The following ST6GALNAC1 variants were observed in gnomAD, a reference collection of about 807,000 sequenced individuals.
ST6GALNAC1 encodes alpha-N-acetylgalactosaminide alpha-2,6-sialyltransferase 1.
ST6GALNAC1 carries 45 observed loss-of-function variants against 56.8 expected under a neutral mutation model. That is an observed-to-expected ratio of 0.79 (90% CI 0.62 to 1.02). The LOEUF is 1.02. Among genes scored for constraint, ST6GALNAC1 ranks in the 50% least tolerant of loss-of-function variants. ST6GALNAC1 has a pLI of 0.00. For synonymous variants in ST6GALNAC1, 295 were observed against 297.8 expected (o/e 0.99, Z 0.10); for missense variants, 743 against 754.8 (o/e 0.98, Z 0.18).
Position 76,627,820 on chromosome 17 carries a change from G to A in ST6GALNAC1, c.832-237C>T, listed in dbSNP as rs1276291833. On this transcript the variant is annotated intron_variant, in intron 2 of 8. Coordinates refer to ENST00000156626, the MANE Select transcript of ST6GALNAC1 (RefSeq NM_018414.5). This position sits in a 1 kb window ranked among gnomAD's most constrained non-coding sequence, Gnocchi z 4.4. ...CCATCGAGGCAAATGCACCTAGGCC[G>A]GGTGTGGTGGCTCACGCCTGTAATC... Among the ~76,000 whole-genome samples, 9 of 152,286 alleles carry A rather than the reference G, an allele frequency of 5.9e-5. No individual in the cohort carries two copies. The highest frequency in any genetic ancestry group is 2.0e-4 in the Admixed American group (3 of 15,298).
chr17:76,641,143 C>G (rs1364954301), intron 1 of ST6GALNAC1, among the ~76,000 whole-genome samples: 2 of 152,164 alleles, frequency 1.3e-5, no homozygotes, highest in Non-Finnish European at 1.5e-5. Flanking sequence ...TAATGCATGT[C>G]TCAATTGAGT....
At chr17:76,642,025 CTA>C (rs1190536878) in intron 1 of ST6GALNAC1, 2 of 144,264 alleles carry the variant, frequency 1.4e-5, no homozygotes, top group East Asian at 4.0e-4. Context: ...GTGTATATAT[CTA>C]TATCTATATA....
At chr17:76,635,111 C>T (rs1365643075) in intron 1 of ST6GALNAC1, among the ~76,000 whole-genome samples, 10 of 152,112 alleles carry the variant, frequency 6.6e-5, no homozygotes, top group Admixed American at 6.5e-4. Flanking sequence ...GTGTTCTTTT[C>T]TCAAATCAAA....
chr17:76,636,561 C>T (rs905557792), intron 1 of ST6GALNAC1, among the ~76,000 whole-genome samples: 57 of 152,274 alleles, frequency 3.7e-4, no homozygotes, highest in African/African-American at 1.3e-3. Flanking sequence ...GCTGAGATCA[C>T]GCCACTGCAC....
At chr17:76,631,106 C>T (rs1427425173) in intron 1 of ST6GALNAC1, among the ~76,000 whole-genome samples, 8 of 141,220 alleles carry the variant, frequency 5.7e-5, no homozygotes, top group Admixed American at 4.2e-4. Flanking sequence ...TGCACGCGTG[C>T]GCGAGCACTT....
chr17:76,627,654 C>A lies in ST6GALNAC1; in HGVS notation c.832-71G>T. ...CCATCGGCCAGGGGCTGCACCACTG[C>A]AGCAAGGGCTGGGGCTCGCAGTTTG... On this transcript the variant is annotated intron_variant, in intron 2 of 8. Coordinates refer to ENST00000156626, the MANE Select transcript of ST6GALNAC1 (RefSeq NM_018414.5). This position sits in a 1 kb window ranked among gnomAD's most constrained non-coding sequence, Gnocchi z 4.4. 1 of 1,472,158 alleles carries A rather than the reference C, an allele frequency of 6.8e-7. No homozygotes were observed. The highest frequency in any genetic ancestry group is 9.3e-7 in the Non-Finnish European group (1 of 1,073,184). The allele number at this position is 1,472,158 out of a possible 1,614,324, so 91.2% of individuals were successfully genotyped here.
At chr17:76,635,909 C>A (rs934882290) in intron 1 of ST6GALNAC1, among the ~76,000 whole-genome samples, 1 of 152,088 alleles carries the variant, frequency 6.6e-6, no homozygotes, top group Non-Finnish European at 1.5e-5. Context: ...CATACGTGTG[C>A]GAGGCAGTGG....
intron 4 of ST6GALNAC1, 67 bp from the exon 5 acceptor site, chr17:76,626,856 G>A: frequency 6.3e-7 from 1 of 1,586,680 alleles, no homozygotes; most frequent in Non-Finnish European, 8.6e-7. Context: ...AGGTGGATGG[G>A]GAAAGGAAGG....
rs761308127 is a variant in ST6GALNAC1 at position 76,629,016 on chromosome 17, T to C, written c.827A>G (p.Gln276Arg). 1 of 1,528,130 alleles carries C rather than the reference T, an allele frequency of 6.5e-7. No individual in the cohort carries two copies. Among genetic ancestry groups the C allele is most frequent in the Non-Finnish European group, 8.8e-7 (1 of 1,139,328 alleles). The allele number at this position is 1,528,130 out of a possible 1,614,324, so 94.7% of individuals were successfully genotyped here. The change falls in exon 2 of 9, where the codon CAG becomes CGG. Residue 276 changes from glutamine to arginine, a missense_variant. Physicochemically the swap from Gln to Arg is conservative, Grantham distance 43 (BLOSUM62 1). Coordinates refer to ENST00000156626, the MANE Select transcript of ST6GALNAC1 (RefSeq NM_018414.5). ...GGCGTGGTGGCAAAAACTCACCGTC[T>C]GAAGGCCTCCTATTTCGAAGCTGTA... The part of the protein sequence containing the change: ...EKYSFEIGGL[Q>R]TTCPDSVKIK...
At chr17:76,641,250 G>A (rs528212937) in intron 1 of ST6GALNAC1, among the ~76,000 whole-genome samples, 83 of 152,130 alleles carry the variant, frequency 5.5e-4, no homozygotes, top group Non-Finnish European at 7.6e-4. Flanking sequence ...CGCTTTGTTC[G>A]GGGCTCAGTT....
Position 76,626,355 on chromosome 17 carries a change from T to A in ST6GALNAC1, c.1349A>T (p.Asp450Val). ...AAGCAGTGCTTCCAGCCACTCATAG[T>A]CCCGGGTGCCTTCCAGGAAGTGCAA... ...RYLHFLEGTR[D>V]YEWLEALLMN... is the part of the protein sequence containing the mutation. The change falls in exon 6 of 9, where the codon GAC becomes GTC. Residue 450 changes from aspartate to valine, a missense_variant. Asp to Val is a radical substitution (Grantham distance 152). Coordinates refer to ENST00000156626, the MANE Select transcript of ST6GALNAC1 (RefSeq NM_018414.5). 2 of 1,614,116 alleles carry A rather than the reference T, an allele frequency of 1.2e-6. No individual in the cohort carries two copies. Among genetic ancestry groups the A allele is most frequent in the Non-Finnish European group, 1.7e-6 (2 of 1,180,028 alleles).
intron 1 of ST6GALNAC1, among the ~76,000 whole-genome samples, chr17:76,634,219 C>T (rs1598301853): frequency 6.6e-6 from 1 of 152,184 alleles, no homozygotes; most frequent in South Asian, 2.1e-4. Context: ...AAGTCCTGGG[C>T]TCTTTCTCAG....
In ST6GALNAC1 at chr17:76,625,370, T is replaced by A. The variant is rs777426595; in HGVS notation, c.1763A>T (p.Tyr588Phe). The change falls in exon 9 of 9, where the codon TAC (tyrosine) becomes TTC (phenylalanine). Residue 588 changes from tyrosine (Y) to phenylalanine (F), a missense_variant. By Grantham distance (22) the Tyr-to-Phe change is conservative. Transcript: ENST00000156626. Reference sequence around the variant, plus strand: ...GGCAGTTCCGGGACCAGGACGCTGGTACAGCCGGATTATCCCTTCATCGTG... The same window carrying A: ...GGCAGTTCCGGGACCAGGACGCTGGAACAGCCGGATTATCCCTTCATCGTG... ...RLHDEGIIRL[Y>F]QRPGPGTAKA... 1.9e-6 allele frequency: 3 copies of A among 1,613,900 alleles called. No individual in the cohort carries two copies. Among genetic ancestry groups the A allele is most frequent in the Non-Finnish European group, 2.5e-6 (3 of 1,180,042 alleles).
At position 76,625,921 on chromosome 17, in the gene ST6GALNAC1, G is replaced by A. The variant is rs1168171284; in HGVS notation, c.1506-3C>T. ...CCAGGGTCTTAGACCTCAGAAACCTGTGAAATGCCCCAAACCCCCAACTGT... is the reference window on the plus strand; with the variant it reads ...CCAGGGTCTTAGACCTCAGAAACCTATGAAATGCCCCAAACCCCCAACTGT... On this transcript the variant is annotated splice_region_variant and splice_polypyrimidine_tract_variant and intron_variant, in intron 7 of 8. Transcript: ENST00000156626. 1 of 1,588,362 alleles carries A rather than the reference G, an allele frequency of 6.3e-7. No individual in the cohort carries two copies. The highest frequency in any genetic ancestry group is 8.6e-7 in the Non-Finnish European group (1 of 1,167,984).
intron 1 of ST6GALNAC1, among the ~76,000 whole-genome samples, chr17:76,631,698 G>C (rs951357939): frequency 2.0e-5 from 3 of 152,060 alleles, no homozygotes; most frequent in African/African-American, 7.2e-5. Context: ...TGGGGACTGT[G>C]GACTCCCTTT....
intron 1 of ST6GALNAC1, among the ~76,000 whole-genome samples, chr17:76,642,922 C>CAAAA (rs59053510): frequency 1.1e-5 from 1 of 87,218 alleles, no homozygotes; most frequent in African/African-American, 4.6e-5. Context: ...GACTCCGTCT[C>CAAAA]AAAAAAAAAA....
At position 76,639,638 on chromosome 17, in the gene ST6GALNAC1, A is replaced by AACACACACACAC. The variant is rs55706272; in HGVS notation, c.131+3858_131+3869dup. 1.2e-3 allele frequency among the ~76,000 whole-genome samples: 154 copies of AACACACACACAC among 125,236 alleles called. 1 individual carries two copies. Among genetic ancestry groups the AACACACACACAC allele is most frequent in the African/African-American group, 3.7e-3 (115 of 30,824 alleles). 82.2% of individuals were successfully genotyped at this position (125,236 alleles called of 152,430 possible). On this transcript the variant is annotated intron_variant, in intron 1 of 8. Coordinates refer to ENST00000156626, the MANE Select transcript of ST6GALNAC1 (RefSeq NM_018414.5). ...CACAAATTCATATAATTACATGATA[A>AACACACACACAC]ACACACACACACACACACACACACA...
Position 76,627,809 on chromosome 17 carries a change from GCACCTAGGCCGGGT to G in ST6GALNAC1, c.832-240_832-227del, listed in dbSNP as rs2075826827. On this transcript the variant is annotated intron_variant, in intron 2 of 8. Transcript: ENST00000156626. The surrounding 1 kb of genome is among the most constrained non-coding windows in gnomAD (Gnocchi z 4.4). ...GGTGTTCTCGGCCATCGAGGCAAAT[GCACCTAGGCCGGGT>G]GTGGTGGCTCACGCCTGTAATCCTA... Among the ~76,000 whole-genome samples, 1 of 152,154 alleles carries G rather than the reference GCACCTAGGCCGGGT, an allele frequency of 6.6e-6. No individual in the cohort carries two copies. The highest frequency in any genetic ancestry group is 2.1e-4 in the South Asian group (1 of 4,834).
At chr17:76,635,961 G>A (rs1317120637) in intron 1 of ST6GALNAC1, among the ~76,000 whole-genome samples, 1 of 152,166 alleles carries the variant, frequency 6.6e-6, no homozygotes, top group Non-Finnish European at 1.5e-5. Context: ...GGATACTTTG[G>A]TATGTAGGGG....
Sources: gnomAD v4.1 joint callset for allele counts (sites outside exome capture counted in the v4.1 genomes callset) on GRCh38, gnomAD v4.1.1 for gene constraint, Gnocchi (gnomAD v3.1) non-coding constraint, MANE v1.5 for transcripts, NCBI Gene and HGNC (gene_info 2026-07-23, HGNC 2026-07-21) for gene names.